DHX37: variants seen among roughly 807,000 people sequenced by gnomAD.
The protein encoded by DHX37 is probable ATP-dependent RNA helicase DHX37.
DHX37 carries 52 observed loss-of-function variants against 134.3 expected under a neutral mutation model. The ratio of observed to expected loss-of-function variants is 0.39; its 90% CI spans 0.31 to 0.49. The LOEUF is 0.49. Among genes scored for constraint, DHX37 ranks in the 20% least tolerant of loss-of-function variants. DHX37 has a pLI of 0.93. For missense variants in DHX37, 1,344 were observed against 1,580.8 expected, an observed-to-expected ratio of 0.85 and a Z score of 2.54; for synonymous variants, 634 against 670.7, an observed-to-expected ratio of 0.95 and a Z score of 0.85.
intron 16 of DHX37, among the ~76,000 whole-genome samples, 195 bp downstream of exon 16, chr12:124,960,117 T>C (rs4765006): frequency 0.43 from 65,460 of 152,110 alleles, 14,813 homozygotes; most frequent in East Asian, 0.73. Context: ...CCCCTGGGTG[T>C]CCACGGGCGA....
rs1267999795 is a variant in DHX37, at chr12:124,949,772, G to A, written c.3290+214C>T. Among the ~76,000 whole-genome samples the A allele has an allele frequency of 1.3e-5, 2 of 152,144 alleles. No homozygotes were observed. Among genetic ancestry groups the A allele is most frequent in the Non-Finnish European group, 2.9e-5 (2 of 68,010 alleles). ...AGATGGAGGCAGAGACTGGAGTGATGTGGCCACAAGCCCAGGAGGCCGACA... is the reference window on the plus strand; with the variant it reads ...AGATGGAGGCAGAGACTGGAGTGATATGGCCACAAGCCCAGGAGGCCGACA... On this transcript the variant is annotated intron_variant, in intron 25 of 26. Coordinates refer to ENST00000308736, the MANE Select transcript of DHX37 (RefSeq NM_032656.4). This position sits in a 1 kb window ranked among gnomAD's most constrained non-coding sequence, Gnocchi z 4.0.
chr12:124,961,147 C>T (rs988436699), intron 15 of DHX37, among the ~76,000 whole-genome samples: 4 of 151,386 alleles, frequency 2.6e-5, no homozygotes, highest in South Asian at 2.1e-4. Context: ...CACGCGTGCA[C>T]GCACGCACAC....
chr12:124,975,388 A>G (rs748477295), intron 6 of DHX37, 31 bp downstream of exon 6: 2 of 1,608,214 alleles, frequency 1.2e-6, no homozygotes, highest in Non-Finnish European at 1.7e-6. Context: ...GGACCACCCC[A>G]TAGTCCGCCC....
chr12:124,947,219 C>G lies in DHX37; in HGVS notation c.*583G>C, dbSNP rs563811540. ...CTGCCGTCTGAGAGCTGACCACAGG[C>G]AGATGAGATGCCCACTCCCTGTTGC... On this transcript the variant is annotated 3_prime_UTR_variant, in exon 27 of 27. Transcript: ENST00000308736. 1 of 152,500 alleles carries G rather than the reference C, an allele frequency of 6.6e-6. No individual in the cohort carries two copies. 9.4% of individuals were successfully genotyped at this position (152,500 alleles called of 1,614,324 possible).
At position 124,980,423 on chromosome 12, in the gene DHX37, AG is replaced by A; in HGVS notation, c.738+66del. On this transcript the variant is annotated intron_variant, in intron 4 of 26. Transcript: ENST00000308736. This position sits in a 1 kb window ranked among gnomAD's most constrained non-coding sequence, Gnocchi z 5.3. Reference sequence around the variant, plus strand: ...AGGGATGCCCTTGCCCCACTTCACCAGGACGCCCTCTGTGCGCCCCTTGCCC... The same window carrying A: ...AGGGATGCCCTTGCCCCACTTCACCAGACGCCCTCTGTGCGCCCCTTGCCC... 1 of 1,533,226 alleles carries A rather than the reference AG, an allele frequency of 6.5e-7. No homozygotes were observed. Among genetic ancestry groups the A allele is most frequent in the Non-Finnish European group, 8.8e-7 (1 of 1,135,838 alleles). The allele number at this position is 1,533,226 out of a possible 1,614,324, so 95.0% of individuals were successfully genotyped here. A position where few individuals can be genotyped will look rare whatever the true frequency, so the allele number is the denominator to read the frequency against.
intron 1 of DHX37, among the ~76,000 whole-genome samples, chr12:124,986,992 C>T (rs1253748165): frequency 1.3e-5 from 2 of 152,132 alleles, no homozygotes; most frequent in African/African-American, 4.8e-5. Context: ...AGTGAGCCAC[C>T]CGCCTCAGCC....
chr12:124,985,071 C>T (rs1213789306), intron 2 of DHX37, among the ~76,000 whole-genome samples: 3 of 152,100 alleles, frequency 2.0e-5, no homozygotes, highest in African/African-American at 7.2e-5. Context: ...CAGGAAGAGG[C>T]CAGGAATGAC....
At chr12:124,956,581 T>C (rs1176736975) in intron 18 of DHX37, 110 bp downstream of exon 18, 21 of 1,352,624 alleles carry the variant, frequency 1.6e-5, no homozygotes, top group Non-Finnish European at 2.0e-6. Context: ...CTCTACCTCC[T>C]GGGTTCAAAT....
At chr12:124,985,898 C>A (rs1954862409) in intron 2 of DHX37, among the ~76,000 whole-genome samples, 198 bp downstream of exon 2, 1 of 151,852 alleles carries the variant, frequency 6.6e-6, no homozygotes, top group Non-Finnish European at 1.5e-5. Flanking sequence ...TTCAGTTCCT[C>A]TGCCATAGTA....
chr12:124,964,802 A>C (rs1235404819), intron 14 of DHX37, 128 bp downstream of exon 14: 1 of 1,432,812 alleles, frequency 7.0e-7, no homozygotes, highest in East Asian at 2.5e-5. Flanking sequence ...AAACTACCCC[A>C]ATATTCCTCA....
intron 20 of DHX37, 41 bp downstream of exon 20, chr12:124,953,839 T>G (rs767853371): frequency 6.2e-7 from 1 of 1,601,164 alleles, no homozygotes. Flanking sequence ...CCAGGTCAGG[T>G]TGCCCGCCGG....
In DHX37 at chr12:124,968,606, G is replaced by A. The variant is rs746999203; in HGVS notation, c.1336C>T (p.Arg446Trp). 177 of 1,614,022 alleles carry A rather than the reference G, an allele frequency of 1.1e-4. 1 individual carries two copies. The highest frequency in any genetic ancestry group is 1.0e-3 in the South Asian group (95 of 91,092). The change falls in exon 10 of 27, where the codon CGG becomes TGG. Residue 446 changes from arginine to tryptophan, a missense_variant. Transcript: ENST00000308736. ...QFPVTVHFNK[R>W]TPLEDYSGEC... is the part of the protein sequence containing the mutation. ...CCACTGTAGTCTTCCAGCGGTGTCC[G>A]CTTGTTGAAATGCACAGTCACTGGG... is the stretch of plus-strand genomic sequence containing the variant.
intron 12 of DHX37, 31 bp downstream of exon 12, chr12:124,966,762 C>A: frequency 6.2e-7 from 1 of 1,610,826 alleles, no homozygotes; most frequent in South Asian, 1.1e-5. Flanking sequence ...CAGCCTTACT[C>A]TCCAGGAGTC....
chr12:124,968,275 G>A (rs893795917), intron 10 of DHX37, among the ~76,000 whole-genome samples: 2 of 152,210 alleles, frequency 1.3e-5, no homozygotes, highest in African/African-American at 2.4e-5. Flanking sequence ...ACTGGCCTGG[G>A]CCCTGTGGGT....
In DHX37 at chr12:124,976,825, G is replaced by A. The variant is rs112662498; in HGVS notation, c.887+517C>T. On this transcript the variant is annotated intron_variant, in intron 5 of 26. Coordinates refer to ENST00000308736, the MANE Select transcript of DHX37 (RefSeq NM_032656.4). ...AGCCTGGGCAACAGAGTGAGGCTCC[G>A]TCTCAAAAATAATAATAATAAAAAG... Among the ~76,000 whole-genome samples the A allele has an allele frequency of 8.6e-3, 1,253 of 145,814 alleles. 30 individuals carry two copies. Among genetic ancestry groups the A allele is most frequent in the Middle Eastern group, 0.017 (5 of 290 alleles).
chr12:124,982,450 T>C (rs1954777647), intron 3 of DHX37, 61 bp downstream of exon 3: 3 of 1,596,498 alleles, frequency 1.9e-6, no homozygotes, highest in East Asian at 4.5e-5. Flanking sequence ...CCATAACCTG[T>C]GCGCCCTCCC....
In DHX37 at chr12:124,966,786, C is replaced by A. The variant is rs770948523; in HGVS notation, c.1590+7G>T. The A allele has an allele frequency of 6.8e-6, 11 of 1,614,242 alleles. No individual in the cohort carries two copies. Among genetic ancestry groups the A allele is most frequent in the South Asian group, 2.2e-5 (2 of 91,090 alleles). On this transcript the variant is annotated splice_region_variant and intron_variant, in intron 12 of 26. Transcript: ENST00000308736. ...TCTCCAGGAGTCCCTGCCAGCCCCC[C>A]ACGTACCTCAGCCCGCGCCTTCTTG...
intron 14 of DHX37, 78 bp downstream of exon 14, chr12:124,964,852 C>T: frequency 6.7e-7 from 1 of 1,485,676 alleles, no homozygotes; most frequent in East Asian, 2.4e-5. Flanking sequence ...ATGGAGAGGA[C>T]CACCAAGGGC....
chr12:124,988,183 C>T (rs1954910704), intron 1 of DHX37, among the ~76,000 whole-genome samples: 1 of 151,812 alleles, frequency 6.6e-6, no homozygotes, highest in African/African-American at 2.4e-5. Context: ...CCATGGCTGC[C>T]CTCTCCCGTA....
Sources: allele counts gnomAD v4.1 joint callset (sites outside exome capture counted in the v4.1 genomes callset), GRCh38; gene constraint gnomAD v4.1.1; non-coding constraint Gnocchi (gnomAD v3.1); transcripts MANE v1.5; gene names NCBI Gene and HGNC (gene_info 2026-07-23, HGNC 2026-07-21).